Variants in ATG10 observed in about 807,000 individuals in gnomAD.
The protein encoded by ATG10 is autophagy related 10.
Under a neutral mutation model 32.1 loss-of-function variants are expected in ATG10, and 30 were observed. The ratio of observed to expected loss-of-function variants is 0.94; its 90% CI spans 0.70 to 1.27. The LOEUF (loss-of-function observed/expected upper bound fraction) is 1.27. Ranked by LOEUF, ATG10 falls within the 50% of genes most tolerant of loss-of-function variation. The pLI is 0.00. For synonymous variants in ATG10, 87 were observed against 91.5 expected, an observed-to-expected ratio of 0.95 and a Z score of 0.28; for missense variants, 233 against 262.3, an observed-to-expected ratio of 0.89 and a Z score of 0.77.
At chr5:82,127,567 G>T (rs1009395671) in intron 3 of ATG10, among the ~76,000 whole-genome samples, 1 of 152,128 alleles carries the variant, frequency 6.6e-6, no homozygotes, top group Non-Finnish European at 1.5e-5. Flanking sequence ...GGAGCAGGTT[G>T]TTCATTTTCC....
intron 2 of ATG10, among the ~76,000 whole-genome samples, chr5:82,019,584 T>C (rs113627563): frequency 2.6e-5 from 4 of 152,242 alleles, no homozygotes; most frequent in African/African-American, 9.6e-5. Context: ...CACCCCGATA[T>C]GAGAATGAGT....
At chr5:82,230,472 G>A (rs189859354) in intron 5 of ATG10, among the ~76,000 whole-genome samples, 29 of 152,058 alleles carry the variant, frequency 1.9e-4, no homozygotes, top group Non-Finnish European at 3.4e-4. Context: ...GGTGGCTCAC[G>A]CCTGTAATCC....
intron 4 of ATG10, among the ~76,000 whole-genome samples, chr5:82,172,861 A>G (rs1743857492): frequency 6.6e-6 from 1 of 152,238 alleles, no homozygotes; most frequent in South Asian, 2.1e-4. Flanking sequence ...ATTAGCCAGT[A>G]TAGTAGCTGA....
rs543983041 is a variant in ATG10 at position 82,185,619 on chromosome 5, TA to T, written c.453+7042del. Among the ~76,000 whole-genome samples, 733 of 148,216 alleles carry T rather than the reference TA, an allele frequency of 4.9e-3. 3 individuals are homozygous for T. Among genetic ancestry groups the T allele is most frequent in the Non-Finnish European group, 8.6e-3 (577 of 66,742 alleles). On this transcript the variant is annotated intron_variant, in intron 5 of 7. Transcript: ENST00000282185. Reference sequence around the variant, plus strand: ...TGTTTCCATGATAAATTTCTCAGGGTAAAAAAAAAATAAAAACACAACAAAA... The same window carrying T: ...TGTTTCCATGATAAATTTCTCAGGGTAAAAAAAAATAAAAACACAACAAAA...
chr5:82,196,231 GT>G (rs906046900), intron 5 of ATG10, among the ~76,000 whole-genome samples: 5 of 151,776 alleles, frequency 3.3e-5, no homozygotes, highest in African/African-American at 7.3e-5. Context: ...TTTAAAATTA[GT>G]TTTTTTTCAT....
chr5:82,164,614 C>A, intron 4 of ATG10, 77 bp downstream of exon 4: 1 of 1,375,914 alleles, frequency 7.3e-7, no homozygotes, highest in Non-Finnish European at 1.0e-6. Flanking sequence ...GAAAATTATT[C>A]TCCAGAGGAA....
rs1760952636 is a variant in ATG10 at position 81,979,032 on chromosome 5, T to A, written c.-13+6726T>A. Among the ~76,000 whole-genome samples the A allele has an allele frequency of 2.6e-5, 4 of 152,082 alleles. No individual in the cohort carries two copies. The South Asian group carries it at 8.3e-4, about 31-fold the overall frequency. On this transcript the variant is annotated intron_variant, in intron 1 of 7. Transcript: ENST00000282185. ...CTCCTGCCTCAGCCTCTGGAGTAGCTGGGACTACAGGTGCACATCACTGCA... is the reference window on the plus strand; with the variant it reads ...CTCCTGCCTCAGCCTCTGGAGTAGCAGGGACTACAGGTGCACATCACTGCA...
chr5:82,121,941 G>GTTTTTTTTTTTTTTTTTTTTTTTTT (rs77349086), intron 3 of ATG10, among the ~76,000 whole-genome samples: 19 of 120,996 alleles, frequency 1.6e-4, no homozygotes, highest in African/African-American at 3.9e-4. Flanking sequence ...TTGGCCTGAA[G>GTTTTTTTTTTTTTTTTTTTTTTTTT]TTTTTTTTTT....
chr5:82,160,310 C>CG (rs1743263148), intron 3 of ATG10, among the ~76,000 whole-genome samples: 1 of 152,066 alleles, frequency 6.6e-6, no homozygotes, highest in African/African-American at 2.4e-5. Context: ...TATCACTTAG[C>CG]ATAATTCCCT....
At chr5:82,040,516 A>T (rs1763052413) in intron 2 of ATG10, among the ~76,000 whole-genome samples, 1 of 152,210 alleles carries the variant, frequency 6.6e-6, no homozygotes, top group Admixed American at 6.5e-5. Context: ...GTACTGTTTG[A>T]ATTCTCAGGG....
chr5:82,138,827 G>T, intron 3 of ATG10, among the ~76,000 whole-genome samples: 1 of 125,530 alleles, frequency 8.0e-6, no homozygotes, highest in Non-Finnish European at 1.6e-5. Context: ...AATGAAGATT[G>T]AAAGTCGAGC....
At chr5:82,235,173 CTCT>C (rs1439933819) in intron 5 of ATG10, among the ~76,000 whole-genome samples, 1 of 152,092 alleles carries the variant, frequency 6.6e-6, no homozygotes, top group East Asian at 1.9e-4. Flanking sequence ...CATTATGACT[CTCT>C]TCTTTCCTTT....
chr5:82,033,593 G>A (rs1490866271), intron 2 of ATG10, among the ~76,000 whole-genome samples: 1 of 151,716 alleles, frequency 6.6e-6, no homozygotes, highest in Non-Finnish European at 1.5e-5. Flanking sequence ...TCCCTTTTTG[G>A]CTTCCTCTGC....
intron 2 of ATG10, among the ~76,000 whole-genome samples, chr5:82,025,547 C>T (rs1368685556): frequency 5.9e-5 from 9 of 152,098 alleles, no homozygotes; most frequent in Admixed American, 3.3e-4. Flanking sequence ...AGGGAGAAAG[C>T]TGAAAGTTGG....
intron 3 of ATG10, among the ~76,000 whole-genome samples, chr5:82,143,449 C>T (rs142029742): frequency 0.03 from 4,584 of 152,300 alleles, 100 homozygotes; most frequent in Middle Eastern, 0.051. Context: ...TGTCTGTGGG[C>T]TGAGGATGGC....
chr5:82,253,470 G>A, intron 7 of ATG10, 41 bp downstream of exon 7: 1 of 1,316,320 alleles, frequency 7.6e-7, no homozygotes, highest in Non-Finnish European at 1.1e-6. Context: ...CCGTTACAAA[G>A]ATCAATGTCT....
At chr5:82,118,358 T>C (rs1054690988) in intron 3 of ATG10, among the ~76,000 whole-genome samples, 3 of 132,202 alleles carry the variant, frequency 2.3e-5, no homozygotes, top group African/African-American at 5.7e-5. Context: ...TATATACATA[T>C]ATATACAAAT....
At chr5:82,205,972 TAGA>T (rs1745273279) in intron 5 of ATG10, among the ~76,000 whole-genome samples, 2 of 152,180 alleles carry the variant, frequency 1.3e-5, no homozygotes, top group East Asian at 3.9e-4. Context: ...AAGAGAGCTA[TAGA>T]AAAAGGGGAC....
chr5:82,066,263 A>G (rs1763939520), intron 3 of ATG10, among the ~76,000 whole-genome samples: 1 of 152,116 alleles, frequency 6.6e-6, no homozygotes. Context: ...CTACCTATAC[A>G]CACTGACTTT....
Sources: gnomAD v4.1 joint callset for allele counts (sites outside exome capture counted in the v4.1 genomes callset) on GRCh38, gnomAD v4.1.1 for gene constraint, MANE v1.5 for transcripts, NCBI Gene and HGNC (gene_info 2026-07-23, HGNC 2026-07-21) for gene names.